Variants in PTPRD observed in about 807,000 individuals in gnomAD.
PTPRD encodes the protein protein tyrosine phosphatase receptor type D.
A neutral mutation model predicts 214.5 loss-of-function variants in PTPRD; 34 were observed. That is an observed-to-expected ratio of 0.16 (90% CI 0.12 to 0.21). The LOEUF (loss-of-function observed/expected upper bound fraction) is 0.21, where lower values mean the gene tolerates loss of function less well. Among genes scored for constraint, PTPRD ranks in the 10% least tolerant of loss-of-function variants. The probability of loss-of-function intolerance (pLI) is 1.00; values close to 1 mark genes in which losing one functional copy is unlikely to be tolerated. For missense variants in PTPRD, 2,545 were observed against 2,398.7 expected (o/e 1.06, Z -1.27); for synonymous variants, 1,128 against 845.7 (o/e 1.33, Z -5.79).
intron 14 of PTPRD, among the ~76,000 whole-genome samples, chr9:8,630,200 T>G: frequency 6.6e-6 from 1 of 151,804 alleles, no homozygotes; most frequent in East Asian, 1.9e-4. Flanking sequence ...AATGGGAATC[T>G]AATGAGGCCA....
intron 10 of PTPRD, among the ~76,000 whole-genome samples, chr9:9,060,421 T>C (rs914486809): frequency 6.6e-6 from 1 of 152,100 alleles, no homozygotes; most frequent in Non-Finnish European, 1.5e-5. Flanking sequence ...ATGAGAATAA[T>C]TTTAGAATCT....
At chr9:8,861,090 C>G (rs528555606) in intron 11 of PTPRD, 3 of 151,340 alleles carry the variant, frequency 2.0e-5, no homozygotes, top group South Asian at 2.1e-4. Flanking sequence ...AGCACTACCC[C>G]CTCTAGTGCA....
chr9:9,698,976 C>CT (rs1564616888), intron 7 of PTPRD, among the ~76,000 whole-genome samples: 1 of 152,110 alleles, frequency 6.6e-6, no homozygotes. Context: ...TTCCTTGTGT[C>CT]TAACTTTTTA....
chr9:9,618,296 TTTTAAG>T (rs1396098431), intron 7 of PTPRD, among the ~76,000 whole-genome samples: 1 of 151,898 alleles, frequency 6.6e-6, no homozygotes, highest in Non-Finnish European at 1.5e-5. Context: ...ATTATCACAA[TTTTAAG>T]TTGAGATTTA....
At position 8,449,891 on chromosome 9, in the gene PTPRD, T is replaced by C. The variant is rs555729768; in HGVS notation, c.3876-54A>G. On this transcript the variant is annotated intron_variant, in intron 33 of 45. Coordinates refer to ENST00000381196, the MANE Select transcript of PTPRD (RefSeq NM_002839.4). The stretch of plus-strand genomic sequence containing the variant: ...GAAAAGAAAAATCAATTGAAACAGA[T>C]AGAAAAGCAGAGAATTGCACCTGCA... 7.7e-6 allele frequency: 12 copies of C among 1,566,952 alleles called. No individual in the cohort carries two copies. The East Asian group carries it at 1.6e-4, about 21-fold the overall frequency.
At chr9:9,603,203 G>C (rs1299531126) in intron 7 of PTPRD, among the ~76,000 whole-genome samples, 1 of 152,054 alleles carries the variant, frequency 6.6e-6, no homozygotes, top group South Asian at 2.1e-4. Flanking sequence ...GAACATATGT[G>C]GTCAGTTGCT....
At chr9:8,800,747 T>C (rs534808077) in intron 11 of PTPRD, among the ~76,000 whole-genome samples, 1 of 152,318 alleles carries the variant, frequency 6.6e-6, no homozygotes, top group Admixed American at 6.5e-5. Flanking sequence ...TAAACTCACT[T>C]TCACTTTACT....
At chr9:10,385,429 C>G (rs1430632301) in intron 2 of PTPRD, among the ~76,000 whole-genome samples, 2 of 151,662 alleles carry the variant, frequency 1.3e-5, no homozygotes, top group African/African-American at 4.8e-5. Flanking sequence ...ATATCTCATT[C>G]ATTTATTCAG....
chr9:9,400,761 T>C (rs1314702433), intron 8 of PTPRD, among the ~76,000 whole-genome samples: 1 of 152,052 alleles, frequency 6.6e-6, no homozygotes, highest in Admixed American at 6.6e-5. Context: ...AGTGAGGAAA[T>C]GGAGTCAAAC....
intron 43 of PTPRD, 61 bp downstream of exon 43, chr9:8,338,861 G>GAGAGAGAC: frequency 2.6e-6 from 4 of 1,513,116 alleles, no homozygotes; most frequent in Non-Finnish European, 3.6e-6. Context: ...GAGAGAGAGA[G>GAGAGAGAC]AGAGGTATCT....
At chr9:8,608,443 G>A (rs1467521720) in intron 14 of PTPRD, among the ~76,000 whole-genome samples, 1 of 152,122 alleles carries the variant, frequency 6.6e-6, no homozygotes, top group East Asian at 1.9e-4. Flanking sequence ...GCATCACTGT[G>A]GTATATTTTA....
intron 2 of PTPRD, among the ~76,000 whole-genome samples, chr9:10,472,968 C>T (rs74463718): frequency 2.0e-5 from 3 of 151,864 alleles, no homozygotes; most frequent in Non-Finnish European, 4.4e-5. Context: ...TTACTTAATA[C>T]ATTAAGTTTA....
chr9:8,489,556 C>T (rs1032952406), intron 27 of PTPRD, among the ~76,000 whole-genome samples: 1 of 152,210 alleles, frequency 6.6e-6, no homozygotes, highest in African/African-American at 2.4e-5. Context: ...GGAAGAACAC[C>T]CAATATCACC....
chr9:8,427,175 A>G (rs1169050818), intron 35 of PTPRD, among the ~76,000 whole-genome samples: 9 of 152,194 alleles, frequency 5.9e-5, no homozygotes, highest in Admixed American at 2.0e-4. Flanking sequence ...GACTTTATTC[A>G]GTAGGTACTT....
At chr9:9,163,212 T>C (rs1172186610) in intron 10 of PTPRD, among the ~76,000 whole-genome samples, 2 of 152,136 alleles carry the variant, frequency 1.3e-5, no homozygotes, top group African/African-American at 2.4e-5. Context: ...CCCAAATCTC[T>C]TCCTTCAGTA....
At chr9:9,520,155 A>AAAGT (rs2096931982) in intron 8 of PTPRD, among the ~76,000 whole-genome samples, 2 of 151,072 alleles carry the variant, frequency 1.3e-5, no homozygotes, top group Non-Finnish European at 3.0e-5. Context: ...CTATTTTATG[A>AAAGT]CAGGGTTTCT....
In PTPRD at chr9:10,503,127, C is replaced by A. The variant is rs914570533; in HGVS notation, c.-600+109271G>T. ...TGTCTCTCCAATGTATGATGATTTA[C>A]AGAATTAAAAGAATGGTTATCTGGA... On this transcript the variant is annotated intron_variant, in intron 2 of 45. Coordinates refer to ENST00000381196, the MANE Select transcript of PTPRD (RefSeq NM_002839.4). Among the ~76,000 whole-genome samples, 4 of 120,628 alleles carry A rather than the reference C, an allele frequency of 3.3e-5. No individual in the cohort carries two copies. The East Asian group carries it at 1.1e-3, about 32-fold the overall frequency. 79.1% of individuals were successfully genotyped at this position (120,628 alleles called of 152,430 possible).
intron 32 of PTPRD, among the ~76,000 whole-genome samples, chr9:8,464,157 T>A (rs1251297972): frequency 6.6e-6 from 1 of 151,928 alleles, no homozygotes; most frequent in African/African-American, 2.4e-5. Context: ...TGGTTCAGTC[T>A]GCAGGATCGA....
At chr9:8,559,123 A>G (rs1258834464) in intron 14 of PTPRD, among the ~76,000 whole-genome samples, 1 of 152,220 alleles carries the variant, frequency 6.6e-6, no homozygotes, top group East Asian at 1.9e-4. Context: ...ATTTTCCCAG[A>G]AAAGAAAAAA....
Sources: gnomAD v4.1 joint callset for allele counts (sites outside exome capture counted in the v4.1 genomes callset) on GRCh38, gnomAD v4.1.1 for gene constraint, MANE v1.5 for transcripts, NCBI Gene and HGNC (gene_info 2026-07-23, HGNC 2026-07-21) for gene names.